Variants in CRTAC1 observed in about 807,000 individuals in gnomAD.
CRTAC1 encodes cartilage acidic protein 1.
In CRTAC1, 37 loss-of-function variants were observed where a neutral mutation model predicts 67.8. The observed-to-expected ratio is 0.55, with a 90% CI of 0.42 to 0.72. The LOEUF (loss-of-function observed/expected upper bound fraction) is 0.72, where lower values mean the gene tolerates loss of function less well. Among genes scored for constraint, CRTAC1 ranks in the 30% least tolerant of loss-of-function variants. The pLI is 0.00. For synonymous variants in CRTAC1, 348 were observed against 371.0 expected, an observed-to-expected ratio of 0.94 and a Z score of 0.71; for missense variants, 780 against 931.6, an observed-to-expected ratio of 0.84 and a Z score of 2.12.
intron 11 of CRTAC1, among the ~76,000 whole-genome samples, chr10:97,890,090 T>TACACACACACACACAC (rs56001448): frequency 5.3e-5 from 8 of 150,374 alleles, no homozygotes; most frequent in East Asian, 2.0e-4. Flanking sequence ...CCAGGATGTG[T>TACACACACACACACAC]ACACACACAC....
chr10:97,935,652 T>C (rs932811788), intron 3 of CRTAC1, among the ~76,000 whole-genome samples: 1 of 152,154 alleles, frequency 6.6e-6, no homozygotes, highest in African/African-American at 2.4e-5. Context: ...TAGGCTGGCA[T>C]AGTGTAGGTG....
At chr10:98,016,198 A>G (rs944348361) in intron 1 of CRTAC1, among the ~76,000 whole-genome samples, 7 of 152,210 alleles carry the variant, frequency 4.6e-5, no homozygotes, top group African/African-American at 2.4e-5. Flanking sequence ...CTCCCATCAA[A>G]GGGCAGAGTC....
At chr10:97,935,085 G>A (rs2051065426) in intron 3 of CRTAC1, among the ~76,000 whole-genome samples, 1 of 152,200 alleles carries the variant, frequency 6.6e-6, no homozygotes, top group Non-Finnish European at 1.5e-5. Context: ...GAGGCAGTGA[G>A]GACATAGGGT....
At chr10:97,892,166 G>C (rs937468862) in intron 11 of CRTAC1, among the ~76,000 whole-genome samples, 1 of 152,190 alleles carries the variant, frequency 6.6e-6, no homozygotes. Flanking sequence ...ACATGACCTG[G>C]CTAAGGCTTT....
intron 3 of CRTAC1, among the ~76,000 whole-genome samples, chr10:97,932,582 G>C (rs1226687401): frequency 6.6e-6 from 1 of 152,304 alleles, no homozygotes; most frequent in East Asian, 1.9e-4. Flanking sequence ...TCTCACTGGA[G>C]GAGGGGCCTG....
intron 11 of CRTAC1, among the ~76,000 whole-genome samples, chr10:97,891,124 A>G (rs1403216499): frequency 6.6e-6 from 1 of 152,216 alleles, no homozygotes; most frequent in South Asian, 2.1e-4. Context: ...GTGCTCAGTA[A>G]ATATGTAGTC....
intron 2 of CRTAC1, among the ~76,000 whole-genome samples, chr10:97,994,257 G>A (rs1842514436): frequency 2.0e-5 from 3 of 152,272 alleles, no homozygotes; most frequent in Admixed American, 6.5e-5. Flanking sequence ...CACAAACCTA[G>A]GTTAACATGG....
At chr10:98,013,710 GT>G (rs1475730076) in intron 1 of CRTAC1, among the ~76,000 whole-genome samples, 2 of 152,196 alleles carry the variant, frequency 1.3e-5, no homozygotes, top group African/African-American at 4.8e-5. Flanking sequence ...ACCTTCAACA[GT>G]TTTTTCCCTC....
At chr10:97,922,037 T>C (rs1459906315) in intron 4 of CRTAC1, among the ~76,000 whole-genome samples, 1 of 152,126 alleles carries the variant, frequency 6.6e-6, no homozygotes, top group East Asian at 1.9e-4. Flanking sequence ...CTCTGAGAAG[T>C]TGCCCACGTT....
chr10:97,896,096 G>T, intron 9 of CRTAC1, 111 bp from the exon 10 acceptor site: 3 of 903,636 alleles, frequency 3.3e-6, no homozygotes, highest in South Asian at 3.0e-5. Flanking sequence ...GCCAGAGAAA[G>T]CACAGCACCG....
intron 8 of CRTAC1, 81 bp from the exon 9 acceptor site, chr10:97,897,072 C>G: frequency 9.8e-7 from 1 of 1,016,482 alleles, no homozygotes; most frequent in East Asian, 2.8e-5. Context: ...CATTCTGTCC[C>G]CTGAGCATCC....
At chr10:97,956,486 G>T (rs2051442990) in intron 2 of CRTAC1, among the ~76,000 whole-genome samples, 1 of 152,180 alleles carries the variant, frequency 6.6e-6, no homozygotes, top group Admixed American at 6.5e-5. Flanking sequence ...TGCACTGCCT[G>T]CTGTTGGGCA....
At chr10:97,932,559 G>A (rs1590218684) in intron 3 of CRTAC1, among the ~76,000 whole-genome samples, 1 of 152,156 alleles carries the variant, frequency 6.6e-6, no homozygotes, top group African/African-American at 2.4e-5. Flanking sequence ...TTAGATACGG[G>A]GCTCAGGAAA....
intron 2 of CRTAC1, among the ~76,000 whole-genome samples, chr10:97,963,515 A>C (rs1405602751): frequency 2.0e-5 from 3 of 152,156 alleles, no homozygotes; most frequent in Admixed American, 6.5e-5. Flanking sequence ...ACCTTCTCAA[A>C]CGGAAACCTC....
At chr10:97,974,324 C>T (rs1286135605) in intron 2 of CRTAC1, among the ~76,000 whole-genome samples, 4 of 152,130 alleles carry the variant, frequency 2.6e-5, no homozygotes, top group East Asian at 3.9e-4. Flanking sequence ...GCGTAACAGG[C>T]GGACTCACTT....
At chr10:97,960,708 G>A (rs571826631) in intron 2 of CRTAC1, among the ~76,000 whole-genome samples, 1 of 152,212 alleles carries the variant, frequency 6.6e-6, no homozygotes, top group African/African-American at 2.4e-5. Context: ...GCATGATTCT[G>A]GCTAAGAGAA....
intron 1 of CRTAC1, among the ~76,000 whole-genome samples, chr10:98,016,560 G>A (rs1440784632): frequency 1.3e-5 from 2 of 152,232 alleles, no homozygotes; most frequent in Middle Eastern, 3.4e-3. Context: ...TGAGACTCTA[G>A]GCTGGCGGCT....
intron 7 of CRTAC1, among the ~76,000 whole-genome samples, chr10:97,902,241 G>T (rs548142374): frequency 1.3e-5 from 2 of 152,212 alleles, no homozygotes. Flanking sequence ...TGGGTTGTGA[G>T]GATTGCATGT....
At chr10:97,971,181 C>G (rs2051705421) in intron 2 of CRTAC1, among the ~76,000 whole-genome samples, 1 of 152,134 alleles carries the variant, frequency 6.6e-6, no homozygotes, top group Non-Finnish European at 1.5e-5. Flanking sequence ...TATTAAAAGT[C>G]TAACATATTT....
Sources: allele counts gnomAD v4.1 joint callset (sites outside exome capture counted in the v4.1 genomes callset), GRCh38; gene constraint gnomAD v4.1.1; transcripts MANE v1.5; gene names NCBI Gene and HGNC (gene_info 2026-07-23, HGNC 2026-07-21).